The following SLC24A2 variants were observed in gnomAD, a reference collection of about 807,000 sequenced individuals.
SLC24A2 encodes the protein sodium/potassium/calcium exchanger 2.
SLC24A2 carries 36 observed loss-of-function variants against 62.0 expected under a neutral mutation model. The ratio of observed to expected loss-of-function variants is 0.58; its 90% CI spans 0.44 to 0.77. The LOEUF (loss-of-function observed/expected upper bound fraction) is 0.77, where lower values mean the gene tolerates loss of function less well. Among genes scored for constraint, SLC24A2 ranks in the 30% least tolerant of loss-of-function variants. The pLI is 0.00. For missense variants in SLC24A2, 846 were observed against 817.9 expected, an observed-to-expected ratio of 1.03 and a Z score of -0.42; for synonymous variants, 358 against 294.0, an observed-to-expected ratio of 1.22 and a Z score of -2.23.
At chr9:20,245,551 G>A in the SLC24A2 span, among the ~76,000 whole-genome samples, 3 of 152,186 alleles carry the variant, frequency 2.0e-5, no homozygotes, top group South Asian at 4.1e-4. Flanking sequence ...GGCTTAGATT[G>A]CTGTACTAAG....
At chr9:20,255,082 C>G in the SLC24A2 span, among the ~76,000 whole-genome samples, 1 of 152,156 alleles carries the variant, frequency 6.6e-6, no homozygotes, top group Non-Finnish European at 1.5e-5. Context: ...GTTGGGAACA[C>G]AGAGCCAAAC....
At chr9:19,836,649 AC>A in the SLC24A2 span, among the ~76,000 whole-genome samples, 1 of 152,224 alleles carries the variant, frequency 6.6e-6, no homozygotes, top group South Asian at 2.1e-4. Flanking sequence ...TACCAGAGGT[AC>A]AAGGAGGAAC....
the SLC24A2 span, among the ~76,000 whole-genome samples, chr9:20,013,006 T>C: frequency 1.3e-5 from 2 of 152,122 alleles, no homozygotes; most frequent in Admixed American, 1.3e-4. Context: ...TTTAATATAA[T>C]TTCCATTAAA....
intron 7 of SLC24A2, among the ~76,000 whole-genome samples, chr9:19,559,342 A>T (rs1835277982): frequency 6.6e-6 from 1 of 152,198 alleles, no homozygotes; most frequent in Admixed American, 6.5e-5. Context: ...TAGTGATATC[A>T]ATAATTTCTT....
chr9:19,836,263 C>G, the SLC24A2 span, among the ~76,000 whole-genome samples: 2 of 151,960 alleles, frequency 1.3e-5, no homozygotes, highest in Non-Finnish European at 2.9e-5. Context: ...TATAAAAAAC[C>G]CTTCAAAAAA....
chr9:20,242,443 C>A, the SLC24A2 span, among the ~76,000 whole-genome samples: 286 of 152,344 alleles, frequency 1.9e-3, no homozygotes, highest in African/African-American at 6.5e-3. Context: ...AGAGCTTTGG[C>A]TCCAGTAATG....
chr9:20,061,507 G>C, the SLC24A2 span, among the ~76,000 whole-genome samples: 1 of 151,978 alleles, frequency 6.6e-6, no homozygotes, highest in Non-Finnish European at 1.5e-5. Flanking sequence ...GGCTGGTCTT[G>C]AGCTCCTGAC....
At chr9:19,984,869 C>T in the SLC24A2 span, among the ~76,000 whole-genome samples, 67 of 152,138 alleles carry the variant, frequency 4.4e-4, 1 homozygote, top group East Asian at 7.1e-3. Flanking sequence ...TCACACCCTC[C>T]GAAATATTTA....
intron 2 of SLC24A2, among the ~76,000 whole-genome samples, chr9:19,637,676 T>C (rs1380439837): frequency 3.3e-5 from 5 of 152,212 alleles, no homozygotes; most frequent in South Asian, 4.1e-4. Flanking sequence ...TTTAGAATGA[T>C]CAGTATCTCC....
intron 2 of SLC24A2, among the ~76,000 whole-genome samples, chr9:19,677,365 T>A (rs1265063589): frequency 6.6e-6 from 1 of 152,000 alleles, no homozygotes; most frequent in African/African-American, 2.4e-5. Flanking sequence ...CACTTACAAG[T>A]AGGAAACTAA....
chr9:19,994,832 C>G, the SLC24A2 span, among the ~76,000 whole-genome samples: 1 of 152,226 alleles, frequency 6.6e-6, no homozygotes, highest in Non-Finnish European at 1.5e-5. Context: ...GAAGCCTTTG[C>G]ACACTCTGCA....
intron 2 of SLC24A2, among the ~76,000 whole-genome samples, chr9:19,664,003 C>G (rs1018136610): frequency 2.0e-5 from 3 of 152,242 alleles, no homozygotes; most frequent in Non-Finnish European, 4.4e-5. Flanking sequence ...CACCTGCCAT[C>G]CTGAGCACTG....
At chr9:19,563,778 T>TTC (rs1563968661) in intron 7 of SLC24A2, among the ~76,000 whole-genome samples, 598 of 42,140 alleles carry the variant, frequency 0.014, 91 homozygotes, top group East Asian at 0.076. Context: ...GTAACAAAAC[T>TTC]GTTGGTTTTT....
At chr9:19,984,893 G>C in the SLC24A2 span, among the ~76,000 whole-genome samples, 2 of 152,146 alleles carry the variant, frequency 1.3e-5, no homozygotes, top group African/African-American at 2.4e-5. Context: ...GGCAAGGCAA[G>C]AGGAGTATAT....
At chr9:19,762,384 A>C (rs1822364093) in intron 2 of SLC24A2, among the ~76,000 whole-genome samples, 1 of 152,156 alleles carries the variant, frequency 6.6e-6, no homozygotes, top group Non-Finnish European at 1.5e-5. Context: ...GTCTTTGCCC[A>C]TGCCTATGTC....
intron 1 of SLC24A2, among the ~76,000 whole-genome samples, chr9:19,788,376 T>C (rs1004739067): frequency 5.3e-5 from 8 of 152,166 alleles, no homozygotes; most frequent in African/African-American, 1.7e-4. Context: ...TCCAGCCCGA[T>C]CCTCGCTCCC....
intron 2 of SLC24A2, among the ~76,000 whole-genome samples, chr9:19,755,849 A>G (rs1256303601): frequency 2.6e-5 from 4 of 152,226 alleles, no homozygotes; most frequent in African/African-American, 4.8e-5. Context: ...ACTCACCTAC[A>G]GTCAGATACG....
chr9:20,140,070 T>C, the SLC24A2 span, among the ~76,000 whole-genome samples: 4 of 152,150 alleles, frequency 2.6e-5, no homozygotes, highest in African/African-American at 7.2e-5. Flanking sequence ...GAAAAGAGAA[T>C]ACAACCCTAA....
chr9:19,852,601 G>C, the SLC24A2 span, among the ~76,000 whole-genome samples: 1 of 152,044 alleles, frequency 6.6e-6, no homozygotes, highest in East Asian at 1.9e-4. Flanking sequence ...GCTTGTTTTT[G>C]TCAGGTTTGT....
Sources: gnomAD v4.1 joint callset for allele counts (sites outside exome capture counted in the v4.1 genomes callset) on GRCh38, gnomAD v4.1.1 for gene constraint, MANE v1.5 for transcripts, NCBI Gene and HGNC (gene_info 2026-07-23, HGNC 2026-07-21) for gene names.